The following SLC25A24 variants were observed in gnomAD, a reference collection of about 807,000 sequenced individuals.
The protein encoded by SLC25A24 is solute carrier family 25 member 24.
SLC25A24 carries 49 observed loss-of-function variants against 60.7 expected under a neutral mutation model. The ratio of observed to expected loss-of-function variants is 0.81; its 90% CI spans 0.64 to 1.02. SLC25A24 has a LOEUF of 1.02. Ranked by LOEUF, SLC25A24 falls within the 50% of genes least tolerant of loss-of-function variation. The pLI is 0.00. For missense variants in SLC25A24, 564 were observed against 586.3 expected, an observed-to-expected ratio of 0.96 and a Z score of 0.39; for synonymous variants, 202 against 200.6, an observed-to-expected ratio of 1.01 and a Z score of -0.06.
chr1:108,148,194 T>C, intron 7 of SLC25A24, 85 bp downstream of exon 7: 1 of 855,708 alleles, frequency 1.2e-6, no homozygotes, highest in South Asian at 1.4e-5. Flanking sequence ...TGTTTTAAAC[T>C]GTTAATTTTG....
intron 3 of SLC25A24, among the ~76,000 whole-genome samples, chr1:108,176,618 A>G (rs1647682482): frequency 6.6e-6 from 1 of 152,214 alleles, no homozygotes; most frequent in Non-Finnish European, 1.5e-5. Flanking sequence ...GAGGATCCTG[A>G]AAACAGCAAA....
In SLC25A24 at chr1:108,160,264, A is replaced by G. The variant is rs572551136; in HGVS notation, c.510+918T>C. Among the ~76,000 whole-genome samples the G allele has an allele frequency of 9.5e-5, 14 of 147,220 alleles. No homozygotes were observed. In the South Asian group the frequency reaches 2.8e-3, roughly 30 times the overall value. On this transcript the variant is annotated intron_variant, in intron 4 of 9. Coordinates refer to ENST00000565488, the MANE Select transcript of SLC25A24 (RefSeq NM_013386.5). ...GGGCGGCGGGGCAGAGGCGCTCCCC[A>G]CATCTCAGACGATGGGCGGCCGGGC... is the stretch of plus-strand genomic sequence containing the variant.
chr1:108,179,605 C>A (rs116272448), intron 3 of SLC25A24, among the ~76,000 whole-genome samples: 3,940 of 152,082 alleles, frequency 0.026, 185 homozygotes, highest in African/African-American at 0.091. Flanking sequence ...ATCCTGTTAT[C>A]TGTAACAATA....
chr1:108,175,053 G>C (rs1647621543), intron 3 of SLC25A24, among the ~76,000 whole-genome samples: 1 of 152,184 alleles, frequency 6.6e-6, no homozygotes, highest in Non-Finnish European at 1.5e-5. Context: ...TTAAGACGCT[G>C]AGGGACTGCT....
At chr1:108,166,371 T>C (rs1390113572) in intron 3 of SLC25A24, among the ~76,000 whole-genome samples, 5 of 150,404 alleles carry the variant, frequency 3.3e-5, no homozygotes, top group South Asian at 2.1e-4. Context: ...TTCTCCTGGA[T>C]AATATCCTGC....
rs775899730 is a variant in SLC25A24, at chr1:108,136,602, C to G, written c.*51G>C. On this transcript the variant is annotated 3_prime_UTR_variant, in exon 10 of 10. Transcript: ENST00000565488. Reference sequence around the variant, plus strand: ...TTCAATTCGAGGAGAAAAAGTCACTCCAGAGATTGTTGAAAGTTTCAATTA... The same window carrying G: ...TTCAATTCGAGGAGAAAAAGTCACTGCAGAGATTGTTGAAAGTTTCAATTA... 8.0e-6 allele frequency: 12 copies of G among 1,502,792 alleles called. No individual in the cohort carries two copies. Among genetic ancestry groups the G allele is most frequent in the South Asian group, 1.2e-5 (1 of 86,050 alleles). 93.1% of individuals were successfully genotyped at this position (1,502,792 alleles called of 1,614,324 possible). A position where few individuals can be genotyped will look rare whatever the true frequency, so the allele number is the denominator to read the frequency against.
rs143505318 is a variant in SLC25A24 at position 108,196,968 on chromosome 1, C to G, written c.183+2988G>C. On this transcript the variant is annotated intron_variant, in intron 1 of 9. Coordinates refer to ENST00000565488, the MANE Select transcript of SLC25A24 (RefSeq NM_013386.5). ...TATCTCCTTGTTCTCACACTACATT[C>G]TACTCTCAGTCTATACCCTTATACT... Among the ~76,000 whole-genome samples, 931 of 152,330 alleles carry G rather than the reference C, an allele frequency of 6.1e-3. 13 individuals carry two copies. The highest frequency in any genetic ancestry group is 0.02 in the African/African-American group (845 of 41,568).
Position 108,190,969 on chromosome 1 carries a change from C to G in SLC25A24, c.184-5015G>C, listed in dbSNP as rs148529408. Reference sequence around the variant, plus strand: ...TCCTTGCCAAAAATGCAAGACAGCTCTACAAACCTTTTGTTTCAATAAGGA... The same window carrying G: ...TCCTTGCCAAAAATGCAAGACAGCTGTACAAACCTTTTGTTTCAATAAGGA... On this transcript the variant is annotated intron_variant, in intron 1 of 9. Transcript: ENST00000565488. 4.5e-4 allele frequency among the ~76,000 whole-genome samples: 63 copies of G among 139,500 alleles called. 7 individuals carry two copies. The highest frequency in any genetic ancestry group is 4.9e-4 in the Admixed American group (6 of 12,360). 91.5% of individuals were successfully genotyped at this position (139,500 alleles called of 152,430 possible). A position where few individuals can be genotyped will look rare whatever the true frequency, so the allele number is the denominator to read the frequency against.
At chr1:108,171,162 T>C (rs1008824890) in intron 3 of SLC25A24, among the ~76,000 whole-genome samples, 2 of 152,074 alleles carry the variant, frequency 1.3e-5, no homozygotes, top group Non-Finnish European at 2.9e-5. Flanking sequence ...TCCATTTCTT[T>C]CCCCCCTGAT....
chr1:108,167,871 A>T (rs1647268035), intron 3 of SLC25A24, among the ~76,000 whole-genome samples: 1 of 152,196 alleles, frequency 6.6e-6, no homozygotes. Context: ...TACTGTACTC[A>T]AATATTTATC....
intron 7 of SLC25A24, among the ~76,000 whole-genome samples, chr1:108,148,039 T>G (rs527282808): frequency 9.5e-4 from 145 of 152,262 alleles, no homozygotes; most frequent in African/African-American, 3.4e-3. Flanking sequence ...GGCAGCAACA[T>G]GAGTGAGCTT....
intron 7 of SLC25A24, among the ~76,000 whole-genome samples, chr1:108,146,171 T>C (rs1387859071): frequency 6.6e-6 from 1 of 152,190 alleles, no homozygotes; most frequent in African/African-American, 2.4e-5. Flanking sequence ...ATTCTCTTTG[T>C]AGCAATTGTG....
At position 108,148,230 on chromosome 1, in the gene SLC25A24, C is replaced by G. The variant is rs971636390; in HGVS notation, c.930+49G>C. The G allele has an allele frequency of 1.2e-5, 13 of 1,103,608 alleles. No homozygotes were observed. The Admixed American group carries it at 2.2e-4, about 19-fold the overall frequency. 68.4% of individuals were successfully genotyped at this position (1,103,608 alleles called of 1,614,324 possible). On this transcript the variant is annotated intron_variant, in intron 7 of 9. Coordinates refer to ENST00000565488, the MANE Select transcript of SLC25A24 (RefSeq NM_013386.5). The stretch of plus-strand genomic sequence containing the variant: ...GGATAACTTGTTAGAGAGCAATAGA[C>G]AACCAACACGAACACCATCACACAG...
intron 1 of SLC25A24, among the ~76,000 whole-genome samples, chr1:108,198,093 A>G (rs1648549761): frequency 6.6e-6 from 1 of 152,194 alleles, no homozygotes; most frequent in African/African-American, 2.4e-5. Context: ...GTGACACAGC[A>G]GGAAAGCCCT....
At chr1:108,193,263 C>G (rs530821395) in intron 1 of SLC25A24, among the ~76,000 whole-genome samples, 2 of 138,114 alleles carry the variant, frequency 1.4e-5, no homozygotes, top group African/African-American at 5.0e-5. Context: ...GGGGTTTGAG[C>G]TCCTAATCGT....
Position 108,161,389 on chromosome 1 carries a change from C to A in SLC25A24, c.399-96G>T, listed in dbSNP as rs1406337866. The A allele has an allele frequency of 4.3e-6, 3 of 697,054 alleles. No individual in the cohort carries two copies. In the South Asian group the frequency reaches 5.3e-5, roughly 12 times the overall value. The allele number at this position is 697,054 out of a possible 1,614,324, so 43.2% of individuals were successfully genotyped here. The stretch of plus-strand genomic sequence containing the variant: ...TACAGAATGACAGTTTCTTTTCTAA[C>A]ATAATATTCTCATTAAATTAAAAAA... On this transcript the variant is annotated intron_variant, in intron 3 of 9. Coordinates refer to ENST00000565488, the MANE Select transcript of SLC25A24 (RefSeq NM_013386.5).
intron 3 of SLC25A24, among the ~76,000 whole-genome samples, chr1:108,163,954 G>C (rs1304067982): frequency 6.6e-6 from 1 of 152,174 alleles, no homozygotes; most frequent in Non-Finnish European, 1.5e-5. Flanking sequence ...TTATTATTTT[G>C]AGATACATCC....
chr1:108,142,385 T>C (rs140909711), intron 8 of SLC25A24, among the ~76,000 whole-genome samples: 2 of 152,164 alleles, frequency 1.3e-5, no homozygotes, highest in Non-Finnish European at 2.9e-5. Context: ...CTTCAACAGA[T>C]GAAGGACTAA....
intron 3 of SLC25A24, among the ~76,000 whole-genome samples, chr1:108,164,739 C>T (rs574811325): frequency 7.3e-6 from 1 of 137,038 alleles, no homozygotes; most frequent in African/African-American, 2.8e-5. Flanking sequence ...CTTTCAAAAA[C>T]AACCAGCTCC....
Sources: allele counts gnomAD v4.1 joint callset (sites outside exome capture counted in the v4.1 genomes callset), GRCh38; gene constraint gnomAD v4.1.1; transcripts MANE v1.5; gene names NCBI Gene and HGNC (gene_info 2026-07-23, HGNC 2026-07-21).